The following PPP1R9A variants were observed in gnomAD, a reference collection of about 807,000 sequenced individuals.
PPP1R9A encodes the protein neurabin-1.
Under a neutral mutation model 141.9 loss-of-function variants are expected in PPP1R9A, and 59 were observed. The ratio of observed to expected loss-of-function variants is 0.42; its 90% CI spans 0.34 to 0.52. PPP1R9A has a LOEUF of 0.52. PPP1R9A is among the 20% of genes least tolerant of loss of function. The pLI is 0.10. For missense variants in PPP1R9A, 1,444 were observed against 1,611.9 expected, an observed-to-expected ratio of 0.90 and a Z score of 1.78; for synonymous variants, 500 against 569.7, an observed-to-expected ratio of 0.88 and a Z score of 1.74.
At chr7:95,082,822 C>CG (rs1481976197) in intron 2 of PPP1R9A, among the ~76,000 whole-genome samples, 1 of 138,122 alleles carries the variant, frequency 7.2e-6, no homozygotes, top group Non-Finnish European at 1.5e-5. Context: ...CCCAGGCGAA[C>CG]TCGGCTCACT....
chr7:95,006,524 A>T (rs1300118990), intron 2 of PPP1R9A, among the ~76,000 whole-genome samples: 3 of 151,942 alleles, frequency 2.0e-5, no homozygotes, highest in Non-Finnish European at 4.4e-5. Flanking sequence ...AACATTTTTA[A>T]TGCTTGTTTA....
At position 95,047,864 on chromosome 7, in the gene PPP1R9A, A is replaced by G. The variant is rs192776110; in HGVS notation, c.1396-63395A>G. ...GTGTTTGAAGTTTTTACAAAAATGT[A>G]TGCTGTAGGCTGAACAGATAGAACA... On this transcript the variant is annotated intron_variant, in intron 2 of 19. Transcript: ENST00000433360. Among the ~76,000 whole-genome samples the G allele has an allele frequency of 8.5e-4, 130 of 152,322 alleles. 1 individual carries two copies. The highest frequency in any genetic ancestry group is 2.8e-3 in the African/African-American group (117 of 41,576).
chr7:95,181,442 C>A (rs1833775666), intron 5 of PPP1R9A, among the ~76,000 whole-genome samples: 6 of 118,962 alleles, frequency 5.0e-5, no homozygotes, highest in East Asian at 2.4e-4. Context: ...ATATATATTC[C>A]ATCATATATA....
In PPP1R9A at chr7:95,139,336, A is replaced by G. The variant is rs899611818; in HGVS notation, c.1649+18504A>G. ...ACTTCCTCACTATCACGAGAACAGT[A>G]TGGAGGAAAACCAGCCCCATGATTC... On this transcript the variant is annotated intron_variant, in intron 4 of 19. Coordinates refer to ENST00000433360, the MANE Select transcript of PPP1R9A (RefSeq NM_001166160.2). Among the ~76,000 whole-genome samples the G allele has an allele frequency of 4.6e-5, 7 of 152,174 alleles. No homozygotes were observed. In the South Asian group the frequency reaches 1.0e-3, roughly 22 times the overall value.
intron 2 of PPP1R9A, among the ~76,000 whole-genome samples, chr7:95,011,762 A>C (rs1341895000): frequency 6.6e-6 from 1 of 152,182 alleles, no homozygotes; most frequent in Non-Finnish European, 1.5e-5. Flanking sequence ...ATTTCTTATG[A>C]ATGACTTAGA....
intron 2 of PPP1R9A, among the ~76,000 whole-genome samples, chr7:95,011,875 G>A (rs562723470): frequency 3.9e-4 from 60 of 152,258 alleles, no homozygotes; most frequent in Admixed American, 9.2e-4. Flanking sequence ...GTGGACTGAT[G>A]TGCTATGTCA....
chr7:94,967,269 G>A (rs1798322810), intron 2 of PPP1R9A, among the ~76,000 whole-genome samples: 1 of 151,948 alleles, frequency 6.6e-6, no homozygotes, highest in South Asian at 2.1e-4. Flanking sequence ...AGCAGCTCCT[G>A]GATTCATTGA....
intron 2 of PPP1R9A, among the ~76,000 whole-genome samples, chr7:95,023,914 G>C (rs1806404072): frequency 6.6e-6 from 1 of 152,142 alleles, no homozygotes. Flanking sequence ...GCTTTCTCTT[G>C]TGGGCATTTA....
chr7:95,016,995 G>A (rs1805200826), intron 2 of PPP1R9A, among the ~76,000 whole-genome samples: 3 of 152,138 alleles, frequency 2.0e-5, no homozygotes, highest in Admixed American at 2.0e-4. Context: ...GTCCTTATTA[G>A]AAGAGAAGAG....
intron 2 of PPP1R9A, among the ~76,000 whole-genome samples, chr7:95,003,283 T>G (rs1442693039): frequency 6.6e-6 from 1 of 152,174 alleles, no homozygotes; most frequent in Non-Finnish European, 1.5e-5. Context: ...TCCATTAATA[T>G]GAAGAATCAT....
intron 11 of PPP1R9A, 26 bp from the exon 12 acceptor site, chr7:95,251,933 T>G: frequency 6.2e-7 from 1 of 1,607,204 alleles, no homozygotes; most frequent in Non-Finnish European, 8.5e-7. Flanking sequence ...AGTTTAGAGT[T>G]TTATAAATGG....
At chr7:95,258,144 G>A (rs1799881351) in intron 12 of PPP1R9A, among the ~76,000 whole-genome samples, 1 of 151,838 alleles carries the variant, frequency 6.6e-6, no homozygotes, top group African/African-American at 2.4e-5. Flanking sequence ...CAGTGTAAAA[G>A]TGTTCCTATT....
chr7:95,095,983 G>A (rs1817958342), intron 2 of PPP1R9A, among the ~76,000 whole-genome samples: 2 of 152,194 alleles, frequency 1.3e-5, no homozygotes, highest in East Asian at 3.9e-4. Flanking sequence ...GTACTGTGTA[G>A]GTCTCAGTGC....
At chr7:95,062,308 A>G (rs1294295666) in intron 2 of PPP1R9A, among the ~76,000 whole-genome samples, 1 of 152,180 alleles carries the variant, frequency 6.6e-6, no homozygotes, top group Non-Finnish European at 1.5e-5. Context: ...TAAGAAGGGC[A>G]TTAACTTCCC....
intron 2 of PPP1R9A, among the ~76,000 whole-genome samples, chr7:94,935,260 AC>A (rs1794646090): frequency 6.6e-6 from 1 of 152,186 alleles, no homozygotes; most frequent in African/African-American, 2.4e-5. Context: ...CTAAGCTACT[AC>A]TTAAATATTA....
chr7:95,146,339 A>ATGGGG (rs1440151329), intron 4 of PPP1R9A, among the ~76,000 whole-genome samples: 2 of 152,012 alleles, frequency 1.3e-5, no homozygotes, highest in Non-Finnish European at 2.9e-5. Context: ...CCACTTTTTG[A>ATGGGG]TGGGGTTGTT....
intron 2 of PPP1R9A, among the ~76,000 whole-genome samples, chr7:95,086,112 G>A (rs1816594685): frequency 6.6e-6 from 1 of 151,350 alleles, no homozygotes; most frequent in Admixed American, 6.6e-5. Context: ...TAAATTTGTA[G>A]GAAACCTGCA....
chr7:95,228,570 T>G (rs974698820), intron 8 of PPP1R9A, among the ~76,000 whole-genome samples: 1 of 152,218 alleles, frequency 6.6e-6, no homozygotes, highest in African/African-American at 2.4e-5. Context: ...TTTTCTTCAG[T>G]GCAATACTAT....
chr7:95,134,595 C>T (rs925392743), intron 4 of PPP1R9A, among the ~76,000 whole-genome samples: 1 of 152,048 alleles, frequency 6.6e-6, no homozygotes, highest in South Asian at 2.1e-4. Context: ...ACCACTACGC[C>T]CAGCTAGTTT....
Sources: allele counts gnomAD v4.1 joint callset (sites outside exome capture counted in the v4.1 genomes callset), GRCh38; gene constraint gnomAD v4.1.1; transcripts MANE v1.5; gene names NCBI Gene and HGNC (gene_info 2026-07-23, HGNC 2026-07-21).